The following KCNG4 variants were observed in gnomAD, a reference collection of about 807,000 sequenced individuals.
KCNG4 encodes the protein voltage-gated potassium channel regulatory subunit KCNG4.
A neutral mutation model predicts 28.2 loss-of-function variants in KCNG4; 30 were observed. The observed-to-expected ratio is 1.06, with a 90% CI of 0.80 to 1.44. KCNG4 has a LOEUF of 1.44. Among genes scored for constraint, KCNG4 ranks in the 40% most tolerant of loss-of-function variants. KCNG4 has a pLI of 0.00. For missense variants in KCNG4, 879 were observed against 712.3 expected, an observed-to-expected ratio of 1.23 and a Z score of -2.66; for synonymous variants, 375 against 315.5, an observed-to-expected ratio of 1.19 and a Z score of -2.00.
chr16:84,238,234 C>G (rs1484768625), intron 1 of KCNG4, among the ~76,000 whole-genome samples: 2 of 152,204 alleles, frequency 1.3e-5, no homozygotes, highest in African/African-American at 4.8e-5. Context: ...GATAAGGAGG[C>G]TGACGCACGG....
rs1056982899 is a variant in KCNG4, at chr16:84,221,654, G to A, written c.*563C>T. 6.5e-6 allele frequency: 1 copy of A among 153,200 alleles called. No homozygotes were observed. Among genetic ancestry groups the A allele is most frequent in the African/African-American group, 2.4e-5 (1 of 41,430 alleles). The allele number at this position is 153,200 out of a possible 1,614,324, so 9.5% of individuals were successfully genotyped here. ...TTAGCTACAAGTGTTCAGAGCTGGC[G>A]GGAGGTAGCAGCATTAGGGAAATAT... On this transcript the variant is annotated 3_prime_UTR_variant, in exon 3 of 3. Coordinates refer to ENST00000308251, the MANE Select transcript of KCNG4 (RefSeq NM_172347.3).
At chr16:84,235,082 T>A (rs988049715) in intron 2 of KCNG4, among the ~76,000 whole-genome samples, 1 of 152,206 alleles carries the variant, frequency 6.6e-6, no homozygotes. Flanking sequence ...GCTGAAACTT[T>A]GGCTGCGCAG....
At chr16:84,235,432 AT>A (rs1196367951) in intron 2 of KCNG4, 2 of 152,190 alleles carry the variant, frequency 1.3e-5, no homozygotes, top group African/African-American at 4.8e-5. Context: ...TCATGTTTTT[AT>A]GCTGTAGAAT....
intron 2 of KCNG4, 80 bp downstream of exon 2, chr16:84,236,650 A>G: frequency 1.4e-6 from 2 of 1,402,030 alleles, no homozygotes; most frequent in South Asian, 1.4e-5. Context: ...ATCTGAAGAC[A>G]TTTTCTTGGG....
chr16:84,228,673 G>A (rs1293352310), intron 2 of KCNG4, among the ~76,000 whole-genome samples: 1 of 151,988 alleles, frequency 6.6e-6, no homozygotes, highest in Non-Finnish European at 1.5e-5. Flanking sequence ...AGGGCTCTGA[G>A]AGTGCTGGAA....
At position 84,223,033 on chromosome 16, in the gene KCNG4, G is replaced by A. The variant is rs370754844; in HGVS notation, c.757-13C>T. 11 of 1,515,876 alleles carry A rather than the reference G, an allele frequency of 7.3e-6. No individual in the cohort carries two copies. The African/African-American group carries it at 1.5e-4, about 21-fold the overall frequency. 93.9% of individuals were successfully genotyped at this position (1,515,876 alleles called of 1,614,324 possible). On this transcript the variant is annotated splice_polypyrimidine_tract_variant and intron_variant, in intron 2 of 2. Transcript: ENST00000308251. ...GAGAGCATTCGCCCTGCGGGGAGAAGAGGCAACAACGCGGGGTAGAGAGTG... is the reference window on the plus strand; with the variant it reads ...GAGAGCATTCGCCCTGCGGGGAGAAAAGGCAACAACGCGGGGTAGAGAGTG...
chr16:84,228,602 C>T (rs909848791), intron 2 of KCNG4, among the ~76,000 whole-genome samples: 1 of 152,138 alleles, frequency 6.6e-6, no homozygotes, highest in African/African-American at 2.4e-5. Context: ...CCCAGGTCTC[C>T]CCGCCACCCC....
chr16:84,231,067 G>A (rs1487078184), intron 2 of KCNG4, among the ~76,000 whole-genome samples: 1 of 152,234 alleles, frequency 6.6e-6, no homozygotes, highest in African/African-American at 2.4e-5. Flanking sequence ...GGAGGCTGGT[G>A]AGCAGAGCAG....
intron 2 of KCNG4, among the ~76,000 whole-genome samples, chr16:84,233,374 G>C (rs1292225988): frequency 1.3e-5 from 2 of 152,162 alleles, no homozygotes; most frequent in Non-Finnish European, 2.9e-5. Context: ...TGGCCCTGAG[G>C]CTGAGGTTCT....
intron 2 of KCNG4, among the ~76,000 whole-genome samples, chr16:84,224,510 G>A (rs1597616060): frequency 6.6e-6 from 1 of 152,236 alleles, no homozygotes; most frequent in Admixed American, 6.5e-5. Flanking sequence ...GCAAGGTGTT[G>A]ACAACCACAG....
chr16:84,229,878 C>T (rs1466316325), intron 2 of KCNG4, among the ~76,000 whole-genome samples: 1 of 152,196 alleles, frequency 6.6e-6, no homozygotes, highest in Non-Finnish European at 1.5e-5. Context: ...AAGAAGCATT[C>T]GCTAGAGCAA....
Position 84,236,757 on chromosome 16 carries a change from C to G in KCNG4, c.729G>C (p.Met243Ile). 6.2e-7 allele frequency: 1 copy of G among 1,613,334 alleles called. No homozygotes were observed. The highest frequency in any genetic ancestry group is 1.7e-5 in the Admixed American group (1 of 60,010). ...GGTCCTCCTCTGCCCTGAGGTCGGG[C>G]ATGGTGCTGACACACAGGCTGACGG... ...TTAVSLCVSTMPDLRAEEDQG... is the reference protein window; with the variant it reads ...TTAVSLCVSTIPDLRAEEDQG... The change falls in exon 2 of 3, where the codon ATG (methionine) becomes ATC (isoleucine). Residue 243 changes from methionine (M) to isoleucine (I), a missense_variant. Transcript: ENST00000308251.
At chr16:84,237,969 T>C (rs1905015879) in intron 1 of KCNG4, among the ~76,000 whole-genome samples, 2 of 152,164 alleles carry the variant, frequency 1.3e-5, no homozygotes, top group African/African-American at 2.4e-5. Flanking sequence ...ATGTAGGCTC[T>C]CAGGTTCACT....
intron 2 of KCNG4, chr16:84,236,342 G>A (rs1476229023): frequency 1.3e-5 from 4 of 312,964 alleles, no homozygotes; most frequent in East Asian, 1.1e-4. Context: ...GTAAACCTTC[G>A]AGGTGATGTT....
rs7200181 is a variant in KCNG4 at position 84,219,948 on chromosome 16, C to A, written c.*2269G>T. Reference sequence around the variant, plus strand: ...ACAGGTGGTGGGTGCCTGTAATCCCCGCTATTTGGGAGGCTGAGGCAGGAG... The same window carrying A: ...ACAGGTGGTGGGTGCCTGTAATCCCAGCTATTTGGGAGGCTGAGGCAGGAG... On this transcript the variant is annotated 3_prime_UTR_variant, in exon 3 of 3. Coordinates refer to ENST00000308251, the MANE Select transcript of KCNG4 (RefSeq NM_172347.3). 95,864 of 149,952 alleles carry A rather than the reference C, an allele frequency of 0.64. 31,219 individuals carry two copies. The highest frequency in any genetic ancestry group is 0.78 in the African/African-American group (31,918 of 40,916). 9.3% of individuals were successfully genotyped at this position (149,952 alleles called of 1,614,324 possible).
At chr16:84,238,990 C>A (rs559815307) in intron 1 of KCNG4, among the ~76,000 whole-genome samples, 2 of 152,294 alleles carry the variant, frequency 1.3e-5, no homozygotes, top group South Asian at 4.1e-4. Flanking sequence ...TTAAAAAGTC[C>A]TTTTCATAAT....
intron 2 of KCNG4, 174 bp downstream of exon 2, chr16:84,236,556 G>T: frequency 1.1e-6 from 1 of 870,496 alleles, no homozygotes; most frequent in Non-Finnish European, 1.7e-6. Context: ...AAAAAAAGAT[G>T]GAAAATTATC....
intron 1 of KCNG4, among the ~76,000 whole-genome samples, chr16:84,239,356 C>A (rs1905048203): frequency 1.3e-5 from 2 of 152,160 alleles, no homozygotes; most frequent in Admixed American, 1.3e-4. Flanking sequence ...TTTCCCAGTG[C>A]AAAAACCAAG....
chr16:84,238,150 G>A (rs1905019743), intron 1 of KCNG4, among the ~76,000 whole-genome samples: 1 of 152,122 alleles, frequency 6.6e-6, no homozygotes, highest in African/African-American at 2.4e-5. Flanking sequence ...ACTTCTAGAT[G>A]CTTCTGACAT....
Sources: gnomAD v4.1 joint callset for allele counts (sites outside exome capture counted in the v4.1 genomes callset) on GRCh38, gnomAD v4.1.1 for gene constraint, MANE v1.5 for transcripts, NCBI Gene and HGNC (gene_info 2026-07-23, HGNC 2026-07-21) for gene names.